The following STAM variants were observed in gnomAD, a reference collection of about 807,000 sequenced individuals.
The protein encoded by STAM is signal transducing adaptor molecule.
A neutral mutation model predicts 63.4 loss-of-function variants in STAM; 16 were observed. The ratio of observed to expected loss-of-function variants is 0.25; its 90% CI spans 0.17 to 0.38. The LOEUF (loss-of-function observed/expected upper bound fraction) is 0.38, where lower values mean the gene tolerates loss of function less well. Among genes scored for constraint, STAM ranks in the 10% least tolerant of loss-of-function variants. The pLI, the probability that STAM is intolerant of heterozygous loss-of-function variation, is 1.00. For synonymous variants in STAM, 238 were observed against 223.9 expected (o/e 1.06, Z -0.56); for missense variants, 636 against 657.1 (o/e 0.97, Z 0.35).
intron 1 of STAM, among the ~76,000 whole-genome samples, chr10:17,645,521 T>C (rs918743281): frequency 6.6e-6 from 1 of 152,168 alleles, no homozygotes; most frequent in East Asian, 1.9e-4. Context: ...AGTGTTCTTG[T>C]CTTTAAAGAG....
chr10:17,668,329 C>T (rs536760505), intron 2 of STAM, among the ~76,000 whole-genome samples: 1 of 152,180 alleles, frequency 6.6e-6, no homozygotes, highest in Non-Finnish European at 1.5e-5. Context: ...TAGCATAATG[C>T]ATATTGAACA....
intron 12 of STAM, among the ~76,000 whole-genome samples, chr10:17,706,604 C>A (rs1203406667): frequency 6.6e-6 from 1 of 152,030 alleles, no homozygotes; most frequent in African/African-American, 2.4e-5. Context: ...TGGCCTTGAT[C>A]TCCTGACCTC....
intron 1 of STAM, among the ~76,000 whole-genome samples, chr10:17,657,841 TTCTC>T (rs202232803): frequency 1.1e-4 from 16 of 148,262 alleles, no homozygotes; most frequent in Middle Eastern, 7.0e-3. Flanking sequence ...AATTGGTGTT[TTCTC>T]TCTCTTTTTT....
At chr10:17,704,670 T>A (rs1371430929) in intron 10 of STAM, 152 bp downstream of exon 10, 1 of 689,920 alleles carries the variant, frequency 1.4e-6, no homozygotes, top group African/African-American at 1.8e-5. Context: ...AGTTGAAACC[T>A]TGGGTAGAAT....
At position 17,695,131 on chromosome 10, in the gene STAM, T is replaced by C. The variant is rs147935092; in HGVS notation, c.618T>C (p.Thr206=). 127 of 1,614,116 alleles carry C rather than the reference T, an allele frequency of 7.9e-5. No homozygotes were observed. In the African/African-American group the frequency reaches 1.5e-3, roughly 19 times the overall value. The change falls in exon 7 of 14, where the codon ACT becomes ACC. Residue 206 remains threonine, a synonymous_variant. Transcript: ENST00000377524. ...ATCCAAGCACATCCAGTCTCTTAAC[T>C]AACCACCAACATGAAGGCCGAAAAG... ...TLYPSTSSLL[T]NHQHEGRKVR...
At chr10:17,709,055 C>T (rs61842352) in intron 13 of STAM, 104 bp downstream of exon 13, 76,784 of 1,362,692 alleles carry the variant, frequency 0.056, 2,507 homozygotes, top group Middle Eastern at 0.09. Context: ...TATCTGTGGT[C>T]AGCGTCATGC....
intron 2 of STAM, among the ~76,000 whole-genome samples, chr10:17,674,445 C>G (rs1423012804): frequency 6.6e-6 from 1 of 152,096 alleles, no homozygotes; most frequent in Non-Finnish European, 1.5e-5. Flanking sequence ...GGGATGGATG[C>G]TTAGTATGGT....
chr10:17,657,850 T>TCTCTC (rs372521273), intron 1 of STAM, among the ~76,000 whole-genome samples: 19 of 113,200 alleles, frequency 1.7e-4, no homozygotes, highest in African/African-American at 5.2e-4. Context: ...TTTCTCTCTC[T>TCTCTC]TTTTTTTTTT....
chr10:17,650,263 G>C (rs1589019246), intron 1 of STAM, among the ~76,000 whole-genome samples: 1 of 152,312 alleles, frequency 6.6e-6, no homozygotes, highest in Non-Finnish European at 1.5e-5. Context: ...AGTTGGATAG[G>C]TATAGGACCC....
At chr10:17,698,784 C>G (rs534833465) in intron 8 of STAM, among the ~76,000 whole-genome samples, 1 of 152,226 alleles carries the variant, frequency 6.6e-6, no homozygotes, top group African/African-American at 2.4e-5. Context: ...AAAGGGGTTG[C>G]AAACTTGCGC....
chr10:17,691,031 T>C (rs1835508044), intron 5 of STAM, among the ~76,000 whole-genome samples: 1 of 152,240 alleles, frequency 6.6e-6, no homozygotes, highest in Admixed American at 6.5e-5. Flanking sequence ...TTGTGAAGTT[T>C]GCCAAATTGT....
intron 5 of STAM, among the ~76,000 whole-genome samples, chr10:17,689,558 T>C (rs1271027056): frequency 6.6e-6 from 1 of 152,242 alleles, no homozygotes; most frequent in Non-Finnish European, 1.5e-5. Context: ...AGCTGGTTTT[T>C]ACTACTCAGT....
intron 2 of STAM, among the ~76,000 whole-genome samples, chr10:17,676,911 A>G (rs181174747): frequency 1.3e-5 from 2 of 152,012 alleles, no homozygotes; most frequent in South Asian, 2.1e-4. Context: ...ATATATATAT[A>G]AAAGTTCAGT....
rs111632550 is a variant in STAM at position 17,658,536 on chromosome 10, G to A, written c.41-1928G>A. On this transcript the variant is annotated intron_variant, in intron 1 of 13. Transcript: ENST00000377524. The stretch of plus-strand genomic sequence containing the variant: ...TGACCTGTCCATTTCTTCTTTTTTT[G>A]GTCTTGCTCTGTCGCCCAGGCTGGA... Among the ~76,000 whole-genome samples the A allele has an allele frequency of 2.0e-3, 309 of 151,834 alleles. 1 individual carries two copies. The highest frequency in any genetic ancestry group is 7.1e-3 in the African/African-American group (292 of 41,414).
chr10:17,670,573 T>G (rs528318037), intron 2 of STAM, among the ~76,000 whole-genome samples: 1 of 152,210 alleles, frequency 6.6e-6, no homozygotes, highest in East Asian at 1.9e-4. Flanking sequence ...TGTGTTTTGT[T>G]TGACTGAAAT....
chr10:17,673,835 CTAT>C (rs1352975656), intron 2 of STAM, among the ~76,000 whole-genome samples: 2 of 152,220 alleles, frequency 1.3e-5, no homozygotes, highest in African/African-American at 4.8e-5. Flanking sequence ...AGTGTTACAA[CTAT>C]TATCTGACAG....
chr10:17,712,490 T>C (rs1370160972), intron 13 of STAM, among the ~76,000 whole-genome samples: 3 of 152,240 alleles, frequency 2.0e-5, no homozygotes, highest in Non-Finnish European at 4.4e-5. Context: ...TACCGTCTCT[T>C]ATAATAAATT....
At chr10:17,684,788 C>T in intron 3 of STAM, 38 bp downstream of exon 3, 1 of 1,613,426 alleles carries the variant, frequency 6.2e-7, no homozygotes, top group Non-Finnish European at 8.5e-7. Context: ...ACGAAATTAC[C>T]TGCCACAATT....
chr10:17,676,225 C>G (rs1589058179), intron 2 of STAM, among the ~76,000 whole-genome samples: 1 of 152,238 alleles, frequency 6.6e-6, no homozygotes, highest in East Asian at 1.9e-4. Context: ...CAGGCATGAG[C>G]TGACTTATTT....
Sources: gnomAD v4.1 joint callset for allele counts (sites outside exome capture counted in the v4.1 genomes callset) on GRCh38, gnomAD v4.1.1 for gene constraint, MANE v1.5 for transcripts, NCBI Gene and HGNC (gene_info 2026-07-23, HGNC 2026-07-21) for gene names.